CARF: variants seen among roughly 807,000 people sequenced by gnomAD.
CARF encodes the protein calcium responsive transcription factor.
A neutral mutation model predicts 82.0 loss-of-function variants in CARF; 57 were observed. The observed-to-expected ratio is 0.70, with a 90% confidence interval of 0.56 to 0.87. The LOEUF (loss-of-function observed/expected upper bound fraction) is 0.87, where lower values mean the gene tolerates loss of function less well. Among genes scored for constraint, CARF ranks in the 40% least tolerant of loss-of-function variants. The pLI is 0.00. For synonymous variants in CARF, 268 were observed against 290.1 expected, an observed-to-expected ratio of 0.92 and a Z score of 0.77; for missense variants, 771 against 855.8, an observed-to-expected ratio of 0.90 and a Z score of 1.24.
intron 3 of CARF, among the ~76,000 whole-genome samples, chr2:202,932,131 T>C (rs80165348): frequency 0.039 from 5,936 of 151,466 alleles, 375 homozygotes; most frequent in African/African-American, 0.13. Context: ...CAACGAGATC[T>C]CACTATCTCA....
At chr2:202,944,361 T>C (rs1017324634) in intron 5 of CARF, among the ~76,000 whole-genome samples, 1 of 152,168 alleles carries the variant, frequency 6.6e-6, no homozygotes, top group African/African-American at 2.4e-5. Flanking sequence ...CTACAATAAA[T>C]ATTTTATTAC....
rs148565867 is a variant in CARF, at chr2:202,978,562, A to G, written c.1558+1230A>G. On this transcript the variant is annotated intron_variant, in intron 14 of 16. Coordinates refer to ENST00000438828, the MANE Select transcript of CARF (RefSeq NM_024744.17). ...AAGAAGGGTGGCATGGATTTGAGGG[A>G]AATGCAAATTAGAAATTATCCTGGA... Among the ~76,000 whole-genome samples, 644 of 152,304 alleles carry G rather than the reference A, an allele frequency of 4.2e-3. 11 individuals carry two copies. Among genetic ancestry groups the G allele is most frequent in the Admixed American group, 0.027 (417 of 15,296 alleles).
intron 8 of CARF, among the ~76,000 whole-genome samples, chr2:202,957,046 C>G (rs746241546): frequency 6.6e-6 from 1 of 152,180 alleles, no homozygotes; most frequent in African/African-American, 2.4e-5. Flanking sequence ...GCCTCAGCCT[C>G]CCAAAGTGCT....
chr2:202,975,327 C>T (rs1247315304), intron 13 of CARF, among the ~76,000 whole-genome samples: 1 of 152,158 alleles, frequency 6.6e-6, no homozygotes, highest in African/African-American at 2.4e-5. Flanking sequence ...GCCTGTAGTC[C>T]CAGCTACTCT....
intron 1 of CARF, among the ~76,000 whole-genome samples, chr2:202,913,618 C>G (rs1689066664): frequency 6.6e-6 from 1 of 152,140 alleles, no homozygotes; most frequent in Non-Finnish European, 1.5e-5. Flanking sequence ...GATCGTTTAA[C>G]CATGTGGTTA....
At chr2:202,981,495 T>A in intron 14 of CARF, 60 bp from the exon 15 acceptor site, 25 of 1,219,550 alleles carry the variant, frequency 2.0e-5, no homozygotes, top group Non-Finnish European at 2.7e-5. Context: ...TAATAAAGTA[T>A]TTTTATGACT....
chr2:202,927,003 T>G (rs974789082), intron 3 of CARF, among the ~76,000 whole-genome samples: 1 of 152,046 alleles, frequency 6.6e-6, no homozygotes, highest in African/African-American at 2.4e-5. Flanking sequence ...TTTGTAGAGA[T>G]AAGGTTTCAT....
In CARF at chr2:202,912,309, T is replaced by G. The variant is rs889286514; in HGVS notation, c.-1123T>G. On this transcript the variant is annotated 5_prime_UTR_variant, in exon 1 of 17. Transcript: ENST00000438828. ...TTATGCTGGTCTCCATGGCGGGGCC[T>G]CGGAGCCAAGACGAGGTTGAGTAGA... 1.3e-5 allele frequency: 2 copies of G among 152,242 alleles called. No individual in the cohort carries two copies. Among genetic ancestry groups the G allele is most frequent in the African/African-American group, 4.8e-5 (2 of 41,464 alleles). 9.4% of individuals were successfully genotyped at this position (152,242 alleles called of 1,614,324 possible). A position where few individuals can be genotyped will look rare whatever the true frequency, so the allele number is the denominator to read the frequency against.
chr2:202,980,374 TAG>T (rs887067371), intron 14 of CARF, among the ~76,000 whole-genome samples: 6 of 151,752 alleles, frequency 4.0e-5, no homozygotes, highest in Non-Finnish European at 7.4e-5. Context: ...ACTAAGAAAA[TAG>T]AGTTTTTATT....
intron 8 of CARF, among the ~76,000 whole-genome samples, chr2:202,956,359 G>T (rs936328218): frequency 1.3e-5 from 2 of 151,988 alleles, no homozygotes; most frequent in Admixed American, 6.6e-5. Flanking sequence ...GGGTTCAAGC[G>T]ATTCTTGTGC....
chr2:202,949,586 TGTTGCCCAGGCTGGAGTGCA>T (rs1319024379), intron 5 of CARF, among the ~76,000 whole-genome samples: 1 of 149,950 alleles, frequency 6.7e-6, no homozygotes, highest in Non-Finnish European at 1.5e-5. Context: ...AGCCTCACTC[TGTTGCCCAGGCTGGAGTGCA>T]GTTGCGTGAT....
chr2:202,935,263 T>C (rs926895801), intron 3 of CARF, among the ~76,000 whole-genome samples: 2 of 145,088 alleles, frequency 1.4e-5, no homozygotes, highest in South Asian at 2.1e-4. Context: ...TATATATTTA[T>C]ATATTAGAAT....
chr2:202,982,773 G>A (rs1157004863), intron 16 of CARF, among the ~76,000 whole-genome samples: 1 of 151,936 alleles, frequency 6.6e-6, no homozygotes. Flanking sequence ...AATTAAACAA[G>A]GAAAAATATT....
intron 3 of CARF, among the ~76,000 whole-genome samples, 193 bp from the exon 4 acceptor site, chr2:202,941,667 C>G (rs528618789): frequency 6.6e-6 from 1 of 152,086 alleles, no homozygotes; most frequent in East Asian, 1.9e-4. Flanking sequence ...TAATTTTTGC[C>G]CTGCATTGAA....
At chr2:202,963,014 G>A (rs1272889556) in intron 9 of CARF, 1 of 152,154 alleles carries the variant, frequency 6.6e-6, no homozygotes, top group East Asian at 1.9e-4. Flanking sequence ...ATCTTTACAA[G>A]ATTATCTTAA....
intron 13 of CARF, among the ~76,000 whole-genome samples, chr2:202,976,654 A>G (rs1177880737): frequency 6.6e-6 from 1 of 151,934 alleles, no homozygotes. Flanking sequence ...CAAATGCAGT[A>G]TCTGAAAAAA....
rs886885418 is a variant in CARF at position 202,912,942 on chromosome 2, C to T, written c.-490C>T. Reference sequence around the variant, plus strand: ...GTTACCCAAAGGCCTGTGTATTGTTCTCAATGGTCCCAAGAATTACTCTAA... The same window carrying T: ...GTTACCCAAAGGCCTGTGTATTGTTTTCAATGGTCCCAAGAATTACTCTAA... On this transcript the variant is annotated 5_prime_UTR_variant, in exon 1 of 17. Transcript: ENST00000438828. 4 of 152,204 alleles carry T rather than the reference C, an allele frequency of 2.6e-5. No individual in the cohort carries two copies. Among genetic ancestry groups the T allele is most frequent in the African/African-American group, 9.7e-5 (4 of 41,450 alleles). 9.4% of individuals were successfully genotyped at this position (152,204 alleles called of 1,614,324 possible). A position where few individuals can be genotyped will look rare whatever the true frequency, so the allele number is the denominator to read the frequency against.
intron 5 of CARF, among the ~76,000 whole-genome samples, chr2:202,949,520 TTA>T (rs765581798): frequency 0.22 from 19,465 of 89,808 alleles, 1,784 homozygotes; most frequent in East Asian, 0.44. Context: ...TATTTATTTA[TTA>T]TTATTATTAT....
intron 3 of CARF, among the ~76,000 whole-genome samples, chr2:202,939,878 C>G (rs2058144243): frequency 6.6e-6 from 1 of 151,698 alleles, no homozygotes. Flanking sequence ...TTTGTAGAGA[C>G]AGGATCTCAT....
Sources: gnomAD v4.1 joint callset for allele counts (sites outside exome capture counted in the v4.1 genomes callset) on GRCh38, gnomAD v4.1.1 for gene constraint, MANE v1.5 for transcripts, NCBI Gene and HGNC (gene_info 2026-07-23, HGNC 2026-07-21) for gene names.